The following CCDC171 variants were observed in gnomAD, a reference collection of about 807,000 sequenced individuals.
CCDC171 encodes the protein coiled-coil domain-containing protein 171.
In CCDC171, 177 loss-of-function variants were observed where a neutral mutation model predicts 168.2. That is an observed-to-expected ratio of 1.05 (90% confidence interval 0.93 to 1.19). CCDC171 has a LOEUF of 1.19. CCDC171 is among the 50% of genes most tolerant of loss of function. The pLI is 0.00. For missense variants in CCDC171, 1,991 were observed against 1,539.0 expected, an observed-to-expected ratio of 1.29 and a Z score of -4.91; for synonymous variants, 687 against 540.8, an observed-to-expected ratio of 1.27 and a Z score of -3.75.
chr9:15,916,412 A>ACTCTG (rs71325950), intron 24 of CCDC171, among the ~76,000 whole-genome samples: 6 of 151,270 alleles, frequency 4.0e-5, no homozygotes, highest in Admixed American at 6.6e-5. Flanking sequence ...CAATATATTT[A>ACTCTG]CGTAAGATAT....
the CCDC171 span, among the ~76,000 whole-genome samples, chr9:16,095,776 G>A: frequency 6.7e-4 from 102 of 151,116 alleles, 2 homozygotes; most frequent in South Asian, 0.018. Context: ...GAGCCTCAGC[G>A]TCTTTAATAC....
chr9:15,857,989 A>G lies in CCDC171; in HGVS notation c.3468+9042A>G, dbSNP rs118079628. ...TGTATATATGTAGATGTGTATATATATGTATATATGTATGCATATGTATAT... is the reference window on the plus strand; with the variant it reads ...TGTATATATGTAGATGTGTATATATGTGTATATATGTATGCATATGTATAT... On this transcript the variant is annotated intron_variant, in intron 23 of 25. Transcript: ENST00000380701. Among the ~76,000 whole-genome samples, 1,175 of 151,932 alleles carry G rather than the reference A, an allele frequency of 7.7e-3. 13 individuals carry two copies. The highest frequency in any genetic ancestry group is 0.01 in the Non-Finnish European group (694 of 67,964).
In CCDC171 at chr9:15,620,087, G is replaced by A. The variant is rs186013139; in HGVS notation, c.676-3180G>A. Among the ~76,000 whole-genome samples, 14 of 152,300 alleles carry A rather than the reference G, an allele frequency of 9.2e-5. No homozygotes were observed. The East Asian group carries it at 1.2e-3, about 13-fold the overall frequency. On this transcript the variant is annotated intron_variant, in intron 6 of 25. Coordinates refer to ENST00000380701, the MANE Select transcript of CCDC171 (RefSeq NM_173550.4). ...ACAATGCACTTGGTTACTGAAGAGC[G>A]CTGATGGTTATGTACCAGCAAGTTA...
chr9:15,667,991 T>C (rs2048852311), intron 9 of CCDC171, among the ~76,000 whole-genome samples: 1 of 152,216 alleles, frequency 6.6e-6, no homozygotes, highest in South Asian at 2.1e-4. Context: ...TATTCAAATA[T>C]GTATTCAAAT....
chr9:15,567,481 G>A (rs1403171315), intron 2 of CCDC171, among the ~76,000 whole-genome samples: 1 of 152,170 alleles, frequency 6.6e-6, no homozygotes, highest in African/African-American at 2.4e-5. Context: ...AAAAATGTCT[G>A]TTGGGGTTTT....
chr9:15,585,064 G>A lies in CCDC171; in HGVS notation c.352+6041G>A, dbSNP rs182469479. On this transcript the variant is annotated intron_variant, in intron 4 of 25. Transcript: ENST00000380701. ...GTAGATGTTACTAAACACCTATCAG[G>A]TGGCTCTAATTGAAAAGATTGTCAA... is the stretch of plus-strand genomic sequence containing the variant. 2.2e-3 allele frequency among the ~76,000 whole-genome samples: 342 copies of A among 152,296 alleles called. 2 individuals are homozygous for A. The highest frequency in any genetic ancestry group is 7.9e-3 in the African/African-American group (330 of 41,564).
the CCDC171 span, among the ~76,000 whole-genome samples, chr9:16,081,285 G>A: frequency 6.6e-6 from 1 of 152,092 alleles, no homozygotes; most frequent in South Asian, 2.1e-4. Flanking sequence ...CTCAAGAAAG[G>A]TTCATCAAAT....
intron 23 of CCDC171, among the ~76,000 whole-genome samples, chr9:15,857,484 G>A (rs908723720): frequency 5.3e-5 from 8 of 151,748 alleles, no homozygotes; most frequent in Non-Finnish European, 1.2e-4. Flanking sequence ...GTACAGTGGC[G>A]TGATCTCGGC....
chr9:15,662,967 C>T (rs554228258), intron 8 of CCDC171, among the ~76,000 whole-genome samples: 82 of 146,544 alleles, frequency 5.6e-4, no homozygotes, highest in African/African-American at 1.9e-3. Context: ...GGGGACAACG[C>T]GAGACTTCGT....
chr9:15,844,946 C>T (rs1330541068), intron 21 of CCDC171, among the ~76,000 whole-genome samples: 2 of 152,024 alleles, frequency 1.3e-5, no homozygotes, highest in East Asian at 1.9e-4. Context: ...CCAATATGCA[C>T]CTCTAGTCAT....
chr9:15,809,053 G>A (rs7866894), intron 21 of CCDC171, among the ~76,000 whole-genome samples: 67,472 of 151,918 alleles, frequency 0.44, 15,095 homozygotes, highest in South Asian at 0.52. Flanking sequence ...TTGAGTGCTC[G>A]TCCATGATGG....
At chr9:15,746,368 G>A (rs889501941) in intron 18 of CCDC171, among the ~76,000 whole-genome samples, 1 of 152,158 alleles carries the variant, frequency 6.6e-6, no homozygotes, top group Non-Finnish European at 1.5e-5. Context: ...TATTCATTGT[G>A]ATTTCAAATA....
At chr9:15,718,505 C>T (rs1399733868) in intron 11 of CCDC171, among the ~76,000 whole-genome samples, 1 of 152,236 alleles carries the variant, frequency 6.6e-6, no homozygotes, top group Non-Finnish European at 1.5e-5. Flanking sequence ...TTAATGGTTA[C>T]AGCAGGTCTT....
intron 9 of CCDC171, 25 bp from the exon 10 acceptor site, chr9:15,678,733 C>A: frequency 6.4e-7 from 1 of 1,564,344 alleles, no homozygotes; most frequent in Non-Finnish European, 8.6e-7. Flanking sequence ...TTTGAAAAAC[C>A]TGCTCTGACA....
intron 10 of CCDC171, among the ~76,000 whole-genome samples, chr9:15,680,903 A>G (rs1376829581): frequency 6.6e-6 from 1 of 152,200 alleles, no homozygotes; most frequent in East Asian, 1.9e-4. Context: ...GAGTTAAGAC[A>G]TAATCACCAA....
At chr9:15,580,964 T>C (rs2041063812) in intron 4 of CCDC171, among the ~76,000 whole-genome samples, 1 of 152,146 alleles carries the variant, frequency 6.6e-6, no homozygotes, top group Admixed American at 6.5e-5. Flanking sequence ...TAAAGGGTAT[T>C]CAAAAAGGAA....
downstream of CCDC171, among the ~76,000 whole-genome samples, chr9:15,974,294 C>G (rs548430170): frequency 3.6e-4 from 55 of 152,218 alleles, no homozygotes; most frequent in Admixed American, 2.0e-3. Context: ...ATGACATATC[C>G]TATGGAGATC....
chr9:15,692,397 T>C (rs2050867980), intron 10 of CCDC171, among the ~76,000 whole-genome samples: 1 of 150,912 alleles, frequency 6.6e-6, no homozygotes, highest in African/African-American at 2.4e-5. Flanking sequence ...CATTTTTTGT[T>C]TGTTGGCTTA....
intron 1 of CCDC171, among the ~76,000 whole-genome samples, chr9:16,051,607 A>G (rs3008752): frequency 0.26 from 39,632 of 152,116 alleles, 5,423 homozygotes; most frequent in Middle Eastern, 0.32. Context: ...TGAAAAACAA[A>G]TTCCTTTATT....
Sources: gnomAD v4.1 joint callset for allele counts (sites outside exome capture counted in the v4.1 genomes callset) on GRCh38, gnomAD v4.1.1 for gene constraint, MANE v1.5 for transcripts, NCBI Gene and HGNC (gene_info 2026-07-23, HGNC 2026-07-21) for gene names.